GALNTL6: variants seen among roughly 807,000 people sequenced by gnomAD.
The protein encoded by GALNTL6 is polypeptide N-acetylgalactosaminyltransferase like 6.
Under a neutral mutation model 73.7 loss-of-function variants are expected in GALNTL6, and 46 were observed. That is an observed-to-expected ratio of 0.62 (90% CI 0.49 to 0.80). The LOEUF is 0.80. GALNTL6 is among the 30% of genes least tolerant of loss of function. The pLI, the probability that GALNTL6 is intolerant of heterozygous loss-of-function variation, is 0.00. For missense variants in GALNTL6, 604 were observed against 755.0 expected, an observed-to-expected ratio of 0.80 and a Z score of 2.34; for synonymous variants, 259 against 263.7, an observed-to-expected ratio of 0.98 and a Z score of 0.17.
chr4:172,565,198 C>T (rs1736513288), intron 5 of GALNTL6, among the ~76,000 whole-genome samples: 1 of 152,186 alleles, frequency 6.6e-6, no homozygotes. Context: ...GGCCCCACCT[C>T]TTAATACTGT....
chr4:171,925,568 A>T (rs952205432), intron 2 of GALNTL6, among the ~76,000 whole-genome samples: 7 of 152,164 alleles, frequency 4.6e-5, no homozygotes, highest in Non-Finnish European at 8.8e-5. Flanking sequence ...AAGCAACCTT[A>T]CTTAGACTTT....
chr4:172,884,600 T>G lies in GALNTL6; in HGVS notation c.1041+1693T>G, dbSNP rs573004035. ...CTCTTCACTTTGTTGATTGTTTCCTTGCTCTACAGAAACTTTCTAGCTTGA... is the reference window on the plus strand; with the variant it reads ...CTCTTCACTTTGTTGATTGTTTCCTGGCTCTACAGAAACTTTCTAGCTTGA... On this transcript the variant is annotated intron_variant, in intron 8 of 12. Transcript: ENST00000506823. 8.5e-5 allele frequency among the ~76,000 whole-genome samples: 13 copies of G among 152,314 alleles called. No individual in the cohort carries two copies. In the East Asian group the frequency reaches 1.9e-3, roughly 23 times the overall value.
chr4:172,889,011 G>A (rs1043960977), intron 8 of GALNTL6, among the ~76,000 whole-genome samples: 7 of 151,892 alleles, frequency 4.6e-5, no homozygotes, highest in Admixed American at 3.9e-4. Context: ...TTGCTTTTGT[G>A]TGTGTGGCTA....
At chr4:172,814,557 A>G (rs751170299) in intron 7 of GALNTL6, among the ~76,000 whole-genome samples, 1 of 152,144 alleles carries the variant, frequency 6.6e-6, no homozygotes, top group Non-Finnish European at 1.5e-5. Flanking sequence ...AAACTATTAT[A>G]TATGTTTTTC....
intron 2 of GALNTL6, among the ~76,000 whole-genome samples, chr4:171,862,531 A>G (rs934055441): frequency 6.6e-6 from 1 of 152,128 alleles, no homozygotes; most frequent in African/African-American, 2.4e-5. Flanking sequence ...CATATTTTAG[A>G]AAGTAAGCAA....
chr4:172,160,565 T>C (rs1734424470), intron 2 of GALNTL6, among the ~76,000 whole-genome samples: 1 of 152,024 alleles, frequency 6.6e-6, no homozygotes, highest in African/African-American at 2.4e-5. Context: ...TAGGTAACTT[T>C]GACAGCCCAT....
At chr4:172,142,193 TA>T (rs1335473355) in intron 2 of GALNTL6, among the ~76,000 whole-genome samples, 1 of 152,006 alleles carries the variant, frequency 6.6e-6, no homozygotes, top group Non-Finnish European at 1.5e-5. Context: ...TGGTTTATTT[TA>T]AAAAATATAT....
intron 5 of GALNTL6, among the ~76,000 whole-genome samples, chr4:172,752,768 TC>T (rs1197160309): frequency 6.6e-6 from 1 of 152,164 alleles, no homozygotes; most frequent in Non-Finnish European, 1.5e-5. Context: ...AAACTGTGTA[TC>T]CATGCTGATT....
At position 172,606,654 on chromosome 4, in the gene GALNTL6, A is replaced by G. The variant is rs1420870365; in HGVS notation, c.554-202707A>G. On this transcript the variant is annotated intron_variant, in intron 5 of 12. Transcript: ENST00000506823. ...ACTATATATATACTATATATATAGTATATATATACTATATATATATACTAT... is the reference window on the plus strand; with the variant it reads ...ACTATATATATACTATATATATAGTGTATATATACTATATATATATACTAT... 5.2e-3 allele frequency among the ~76,000 whole-genome samples: 201 copies of G among 38,966 alleles called. 1 individual carries two copies. Among genetic ancestry groups the G allele is most frequent in the Non-Finnish European group, 0.01 (155 of 15,276 alleles). The allele number at this position is 38,966 out of a possible 152,430, so 25.6% of individuals were successfully genotyped here. A position where few individuals can be genotyped will look rare whatever the true frequency, so the allele number is the denominator to read the frequency against.
chr4:172,376,517 C>T (rs971705927), intron 5 of GALNTL6, among the ~76,000 whole-genome samples: 3 of 152,276 alleles, frequency 2.0e-5, no homozygotes, highest in Middle Eastern at 3.4e-3. Flanking sequence ...TCCGAAGAGT[C>T]AGGGGTTGTT....
intron 5 of GALNTL6, among the ~76,000 whole-genome samples, chr4:172,481,558 C>T (rs964705335): frequency 1.3e-5 from 2 of 152,020 alleles, no homozygotes; most frequent in African/African-American, 2.4e-5. Flanking sequence ...TTACAGAGAG[C>T]TGATTGGTCC....
chr4:172,446,265 G>A (rs1301702747), intron 5 of GALNTL6, among the ~76,000 whole-genome samples: 1 of 152,140 alleles, frequency 6.6e-6, no homozygotes, highest in East Asian at 1.9e-4. Flanking sequence ...CTTTAAGGTG[G>A]CAGAATTAGA....
chr4:172,390,398 T>C (rs1743622304), intron 5 of GALNTL6, among the ~76,000 whole-genome samples: 1 of 152,198 alleles, frequency 6.6e-6, no homozygotes, highest in Non-Finnish European at 1.5e-5. Flanking sequence ...CCCACAGTCA[T>C]TGGCAGTCTG....
At chr4:172,682,375 T>C (rs770986160) in intron 5 of GALNTL6, among the ~76,000 whole-genome samples, 4 of 152,178 alleles carry the variant, frequency 2.6e-5, no homozygotes, top group Non-Finnish European at 5.9e-5. Flanking sequence ...AGTAGTATCA[T>C]GTACAATAAG....
chr4:172,805,017 G>T (rs749681202), intron 5 of GALNTL6, among the ~76,000 whole-genome samples: 2 of 152,158 alleles, frequency 1.3e-5, no homozygotes, highest in Non-Finnish European at 2.9e-5. Context: ...TGAGGGGACT[G>T]AATCTACTCA....
Position 172,470,928 on chromosome 4 carries a change from A to G in GALNTL6, c.553+122239A>G, listed in dbSNP as rs1579102511. On this transcript the variant is annotated intron_variant, in intron 5 of 12. Coordinates refer to ENST00000506823, the MANE Select transcript of GALNTL6 (RefSeq NM_001034845.3). ...GGATCCTCAAGTCCATCCCCCCAAC[A>G]CCCAGGTTTGCGTATTTCACCCAGT... Among the ~76,000 whole-genome samples, 3 of 152,260 alleles carry G rather than the reference A, an allele frequency of 2.0e-5. No homozygotes were observed. In the Middle Eastern group the frequency reaches 0.01, roughly 518 times the overall value.
intron 2 of GALNTL6, among the ~76,000 whole-genome samples, chr4:172,172,475 G>A (rs1232432634): frequency 3.3e-5 from 5 of 152,064 alleles, no homozygotes; most frequent in Admixed American, 3.3e-4. Flanking sequence ...GGGATTATAG[G>A]CGTGAGCCAC....
At chr4:172,584,795 G>A (rs1737337215) in intron 5 of GALNTL6, among the ~76,000 whole-genome samples, 1 of 152,160 alleles carries the variant, frequency 6.6e-6, no homozygotes, top group Non-Finnish European at 1.5e-5. Context: ...TTTCGGCTGT[G>A]AATAGAGGTT....
intron 8 of GALNTL6, among the ~76,000 whole-genome samples, chr4:172,925,216 G>T (rs1010131101): frequency 6.8e-6 from 1 of 147,814 alleles, no homozygotes; most frequent in African/African-American, 2.5e-5. Flanking sequence ...CCGTAAGAAG[G>T]AAAAAAAAAT....
Sources: gnomAD v4.1 joint callset for allele counts (sites outside exome capture counted in the v4.1 genomes callset) on GRCh38, gnomAD v4.1.1 for gene constraint, MANE v1.5 for transcripts, NCBI Gene and HGNC (gene_info 2026-07-23, HGNC 2026-07-21) for gene names.